SCYL2: variants seen among roughly 807,000 people sequenced by gnomAD.
The protein encoded by SCYL2 is SCY1-like protein 2.
In SCYL2, 36 loss-of-function variants were observed where a neutral mutation model predicts 100.4. The ratio of observed to expected loss-of-function variants is 0.36; its 90% CI spans 0.27 to 0.47. SCYL2 has a LOEUF of 0.47. Ranked by LOEUF, SCYL2 falls within the 20% of genes least tolerant of loss-of-function variation. The pLI is 1.00. For synonymous variants in SCYL2, 330 were observed against 359.2 expected (o/e 0.92, Z 0.92); for missense variants, 902 against 1,083.9 (o/e 0.83, Z 2.36).
Position 100,323,864 on chromosome 12 carries a change from T to TAAA in SCYL2, c.1509+230_1509+232dup, listed in dbSNP as rs1470900562. 1.8e-5 allele frequency: 5 copies of TAAA among 281,092 alleles called. No individual in the cohort carries two copies. The East Asian group carries it at 3.1e-4, about 17-fold the overall frequency. The allele number at this position is 281,092 out of a possible 1,614,324, so 17.4% of individuals were successfully genotyped here. On this transcript the variant is annotated intron_variant, in intron 11 of 17. Transcript: ENST00000360820. ...TGTCCCTTTACTTTGAGTGCTTCAG[T>TAAA]AAAAAAGTTGGGTGATTATTTTTTT...
intron 2 of SCYL2, among the ~76,000 whole-genome samples, chr12:100,286,370 C>T (rs2096304458): frequency 6.6e-6 from 1 of 151,954 alleles, no homozygotes; most frequent in African/African-American, 2.4e-5. Flanking sequence ...AAGGAATTAC[C>T]CTTCAAAATT....
intron 5 of SCYL2, among the ~76,000 whole-genome samples, 198 bp from the exon 6 acceptor site, chr12:100,312,234 T>A (rs1936873641): frequency 6.6e-6 from 1 of 152,200 alleles, no homozygotes; most frequent in Non-Finnish European, 1.5e-5. Context: ...ACTCCAGTAA[T>A]CTCAGTTGTA....
intron 2 of SCYL2, among the ~76,000 whole-genome samples, chr12:100,284,755 G>A (rs755263431): frequency 2.0e-5 from 3 of 152,134 alleles, no homozygotes; most frequent in East Asian, 1.9e-4. Flanking sequence ...GAGCCACCGC[G>A]CCCGGCCTAG....
At chr12:100,286,282 T>C (rs1227540295) in intron 2 of SCYL2, among the ~76,000 whole-genome samples, 1 of 152,178 alleles carries the variant, frequency 6.6e-6, no homozygotes, top group African/African-American at 2.4e-5. Context: ...ATATATGTAA[T>C]TTTGCCTGGT....
chr12:100,334,402 C>T, intron 14 of SCYL2, 136 bp downstream of exon 14: 1 of 647,344 alleles, frequency 1.5e-6, no homozygotes, highest in Non-Finnish European at 2.7e-6. Context: ...CAAAATTTAC[C>T]ATCATGTTAA....
chr12:100,305,918 A>G (rs569367396), intron 4 of SCYL2, among the ~76,000 whole-genome samples: 1 of 152,170 alleles, frequency 6.6e-6, no homozygotes, highest in Non-Finnish European at 1.5e-5. Flanking sequence ...GAAATGGATA[A>G]ATTCCTGGAC....
At chr12:100,319,127 G>A (rs1268365892) in intron 10 of SCYL2, 1 of 428,088 alleles carries the variant, frequency 2.3e-6, no homozygotes, top group Non-Finnish European at 4.7e-6. Flanking sequence ...ACATATTTAA[G>A]GTCACTTTTT....
At chr12:100,319,449 G>T (rs535419252) in intron 10 of SCYL2, among the ~76,000 whole-genome samples, 1 of 152,310 alleles carries the variant, frequency 6.6e-6, no homozygotes, top group South Asian at 2.1e-4. Context: ...TTTCTTTATA[G>T]TTAATTTGAC....
chr12:100,306,910 T>G (rs1229973958), intron 4 of SCYL2, among the ~76,000 whole-genome samples: 1 of 151,950 alleles, frequency 6.6e-6, no homozygotes, highest in East Asian at 1.9e-4. Flanking sequence ...ACAAAGAGAA[T>G]AAAATACCTA....
In SCYL2 at chr12:100,331,058, T is replaced by C. The variant is rs79606922; in HGVS notation, c.1761+1739T>C. ...TCCAGGATGGTCTCAGACTCCGATC[T>C]CAAGTGATCTGCTTGCCTCGGCCTC... On this transcript the variant is annotated intron_variant, in intron 13 of 17. Coordinates refer to ENST00000360820, the MANE Select transcript of SCYL2 (RefSeq NM_017988.6). 5.7e-3 allele frequency among the ~76,000 whole-genome samples: 868 copies of C among 152,116 alleles called. 9 individuals are homozygous for C. The highest frequency in any genetic ancestry group is 0.02 in the African/African-American group (827 of 41,506).
At chr12:100,292,982 A>G (rs2096312373) in intron 3 of SCYL2, among the ~76,000 whole-genome samples, 1 of 150,818 alleles carries the variant, frequency 6.6e-6, no homozygotes, top group Non-Finnish European at 1.5e-5. Context: ...TGCCCAGCTA[A>G]TTTTTTGATT....
intron 4 of SCYL2, among the ~76,000 whole-genome samples, chr12:100,298,426 G>C (rs1291521714): frequency 6.6e-6 from 1 of 151,872 alleles, no homozygotes; most frequent in African/African-American, 2.4e-5. Flanking sequence ...GGATGGAGTG[G>C]GTTCCTTTTG....
intron 2 of SCYL2, among the ~76,000 whole-genome samples, chr12:100,291,017 G>A (rs1283677358): frequency 1.3e-5 from 2 of 152,090 alleles, no homozygotes; most frequent in African/African-American, 2.4e-5. Context: ...CAAGATGGGG[G>A]ATAGGAAGGT....
rs770315706 is a variant in SCYL2 at position 100,338,766 on chromosome 12, A to G, written c.2384A>G (p.Tyr795Cys). ...NMPVNTNQNF[Y>C]SSPSTVGVTK... ...CCCGTTAATACAAACCAGAACTTCTACAGTAGTCCAAGCACAGTTGGAGTG... is the reference window on the plus strand; with the variant it reads ...CCCGTTAATACAAACCAGAACTTCTGCAGTAGTCCAAGCACAGTTGGAGTG... The change falls in exon 18 of 18, where the codon TAC becomes TGC. Residue 795 changes from tyrosine (Y) to cysteine (C), a missense_variant. Transcript: ENST00000360820. 2.5e-6 allele frequency: 4 copies of G among 1,614,170 alleles called. No individual in the cohort carries two copies. The highest frequency in any genetic ancestry group is 3.4e-6 in the Non-Finnish European group (4 of 1,180,002).
chr12:100,337,323 T>C, intron 16 of SCYL2, 64 bp from the exon 17 acceptor site: 4 of 1,586,334 alleles, frequency 2.5e-6, no homozygotes, highest in Non-Finnish European at 3.4e-6. Flanking sequence ...GAAGAGATTA[T>C]CTTTTGTTTT....
At position 100,337,470 on chromosome 12, in the gene SCYL2, A is replaced by T. The variant is rs1391749859; in HGVS notation, c.2109A>T (p.Lys703Asn). 1.9e-6 allele frequency: 3 copies of T among 1,612,642 alleles called. No homozygotes were observed. In the Admixed American group the frequency reaches 5.0e-5, roughly 27 times the overall value. ...AGCTGAAAAGCCAGCAGCCTCTTAA[A>T]CCCCAAGTGCACACACCTGTTGCTA... is the stretch of plus-strand genomic sequence containing the variant. ...AQKLKSQQPL[K>N]PQVHTPVATV... The change falls in exon 17 of 18, where the codon AAA becomes AAT. Residue 703 changes from lysine to asparagine, a missense_variant. By Grantham distance (94) the Lys-to-Asn change is moderately conservative. Transcript: ENST00000360820.
chr12:100,334,082 G>A (rs1952244850), intron 13 of SCYL2, 84 bp from the exon 14 acceptor site: 1 of 796,460 alleles, frequency 1.3e-6, no homozygotes, highest in African/African-American at 1.7e-5. Flanking sequence ...AGAATATTAT[G>A]ATTAATTTAC....
chr12:100,320,586 A>AAAT (rs756643167), intron 10 of SCYL2, among the ~76,000 whole-genome samples: 105 of 147,262 alleles, frequency 7.1e-4, no homozygotes, highest in African/African-American at 1.6e-3. Context: ...ATAAATAAAT[A>AAAT]AATAAATAAA....
At chr12:100,303,993 G>A (rs1329061394) in intron 4 of SCYL2, among the ~76,000 whole-genome samples, 1 of 152,212 alleles carries the variant, frequency 6.6e-6, no homozygotes, top group East Asian at 1.9e-4. Flanking sequence ...TCTGGTTATA[G>A]TGGCTTTGCA....
Sources: gnomAD v4.1 joint callset for allele counts (sites outside exome capture counted in the v4.1 genomes callset) on GRCh38, gnomAD v4.1.1 for gene constraint, MANE v1.5 for transcripts, NCBI Gene and HGNC (gene_info 2026-07-23, HGNC 2026-07-21) for gene names.